TUT1: variants seen among roughly 807,000 people sequenced by gnomAD.
The protein encoded by TUT1 is speckle targeted PIP5K1A-regulated poly(A) polymerase.
Under a neutral mutation model 48.8 loss-of-function variants are expected in TUT1, and 26 were observed. The ratio of observed to expected loss-of-function variants is 0.53; its 90% confidence interval spans 0.39 to 0.74. The LOEUF (loss-of-function observed/expected upper bound fraction) is 0.74. Ranked by LOEUF, TUT1 falls within the 30% of genes least tolerant of loss-of-function variation. TUT1 has a pLI of 0.00. For missense variants in TUT1, 1,065 were observed against 1,114.8 expected, an observed-to-expected ratio of 0.96 and a Z score of 0.64; for synonymous variants, 470 against 460.8, an observed-to-expected ratio of 1.02 and a Z score of -0.26.
In TUT1 at chr11:62,575,226, G is replaced by A. The variant is rs1941699835; in HGVS notation, c.2493C>T (p.Ser831=). The part of the protein sequence containing the change: ...EERPETEPLL[S]FVASVSPADR... ...CAGCCGGGGAGACAGACGCCACAAA[G>A]CTCAGCAGGGGCTCAGTTTCTGGCC... is the stretch of plus-strand genomic sequence containing the variant. Residue 831 remains serine (S), a synonymous_variant, in exon 9 of 9, where the codon AGC becomes AGT. Transcript: ENST00000476907. The A allele has an allele frequency of 6.2e-7, 1 of 1,614,056 alleles. No individual in the cohort carries two copies. The highest frequency in any genetic ancestry group is 8.5e-7 in the Non-Finnish European group (1 of 1,179,894).
rs1357860368 is a variant in TUT1, at chr11:62,576,188, G to A, written c.1531C>T (p.Leu511=). ...CVSCWDLRGS[L]LSLREGQALP... is the part of the protein sequence containing the mutation. ...GCCTGACCCTCCCGCAGGGACAGCA[G>A]GGAGCCACGAAGATCCCAACAAGAT... The change falls in exon 9 of 9, where the codon CTG becomes TTG. Residue 511 remains leucine (L), a synonymous_variant. Transcript: ENST00000476907. 2.5e-6 allele frequency: 4 copies of A among 1,610,112 alleles called. No individual in the cohort carries two copies. The highest frequency in any genetic ancestry group is 3.4e-6 in the Non-Finnish European group (4 of 1,178,260).
Position 62,575,722 on chromosome 11 carries a change from T to C in TUT1, c.1997A>G (p.Gln666Arg). 1 of 1,614,154 alleles carries C rather than the reference T, an allele frequency of 6.2e-7. No homozygotes were observed. The highest frequency in any genetic ancestry group is 8.5e-7 in the Non-Finnish European group (1 of 1,179,984). ...GTSKRLKVDG[Q>R]KNCCEEGKEE... ...TTTCCCCTCCTCACAGCAGTTTTTC[T>C]GTCCATCTACTTTGAGTCTTTTGCT... is the stretch of plus-strand genomic sequence containing the variant. The change falls in exon 9 of 9, where the codon CAG becomes CGG. Residue 666 changes from glutamine to arginine, a missense_variant. Transcript: ENST00000476907.
At chr11:62,584,760 G>A (rs1941882654) in intron 2 of TUT1, among the ~76,000 whole-genome samples, 1 of 150,852 alleles carries the variant, frequency 6.6e-6, no homozygotes. Context: ...TATACTTTTT[G>A]TTTGTTTATT....
intron 1 of TUT1, among the ~76,000 whole-genome samples, chr11:62,590,478 A>T (rs962209467): frequency 1.3e-5 from 2 of 152,174 alleles, no homozygotes; most frequent in African/African-American, 2.4e-5. Flanking sequence ...CTACTAAAAA[A>T]TACAAAAAAT....
At chr11:62,585,213 T>C (rs1312211565) in intron 2 of TUT1, among the ~76,000 whole-genome samples, 1 of 152,178 alleles carries the variant, frequency 6.6e-6, no homozygotes, top group East Asian at 1.9e-4. Context: ...TTTGAATTCC[T>C]GGGCTCAAGC....
chr11:62,582,173 G>C (rs1941838092), intron 2 of TUT1, among the ~76,000 whole-genome samples: 1 of 152,002 alleles, frequency 6.6e-6, no homozygotes, highest in Non-Finnish European at 1.5e-5. Context: ...AGTAAAAATG[G>C]GGTTTCACCA....
chr11:62,587,242 C>T (rs182671035), intron 2 of TUT1, among the ~76,000 whole-genome samples: 113 of 152,194 alleles, frequency 7.4e-4, no homozygotes, highest in Non-Finnish European at 1.2e-3. Flanking sequence ...AATGCAATGG[C>T]GCGATGTCGG....
chr11:62,578,535 TGTC>T lies in TUT1; in HGVS notation c.1160+23_1160+25del, dbSNP rs751369548. 11 of 1,551,752 alleles carry T rather than the reference TGTC, an allele frequency of 7.1e-6. No individual in the cohort carries two copies. The South Asian group carries it at 7.4e-5, about 10-fold the overall frequency. On this transcript the variant is annotated intron_variant, in intron 5 of 8. Transcript: ENST00000476907. ...ACTCCAGCCTGGGCAACGAGTGAAA[TGTC>T]GTCTCAAAAAAAAGAAAGGTACCGG...
rs747876274 is a variant in TUT1, at chr11:62,591,420, G to T, written c.66C>A (p.His22Gln). 1 of 1,598,562 alleles carries T rather than the reference G, an allele frequency of 6.3e-7. No homozygotes were observed. Among genetic ancestry groups the T allele is most frequent in the East Asian group, 2.3e-5 (1 of 44,170 alleles). ...ACCGCTTACGGTTGGCTGTAGTAAC[G>T]TGGCAGAGGCAGCAGCGGAACCCCC... ...PRGGFRCCLC[H>Q]VTTANRPSLD... is the part of the protein sequence containing the mutation. Residue 22 changes from histidine (H) to glutamine (Q), a missense_variant, in exon 1 of 9, where the codon CAC (histidine) becomes CAA (glutamine). His to Gln is a conservative substitution (Grantham distance 24). Coordinates refer to ENST00000476907, the MANE Select transcript of TUT1 (RefSeq NM_022830.3).
At chr11:62,591,379 G>C in intron 1 of TUT1, 25 bp downstream of exon 1, 1 of 1,530,134 alleles carries the variant, frequency 6.5e-7, no homozygotes. Context: ...AACCACCCCC[G>C]GGTCCCTCAC....
rs774734865 is a variant in TUT1, at chr11:62,576,280, C to T, written c.1475-36G>A. The T allele has an allele frequency of 7.3e-6, 11 of 1,501,938 alleles. No individual in the cohort carries two copies. In the African/African-American group the frequency reaches 1.3e-4, roughly 17 times the overall value. 93.0% of individuals were successfully genotyped at this position (1,501,938 alleles called of 1,614,324 possible). A position where few individuals can be genotyped will look rare whatever the true frequency, so the allele number is the denominator to read the frequency against. On this transcript the variant is annotated intron_variant, in intron 8 of 8. Coordinates refer to ENST00000476907, the MANE Select transcript of TUT1 (RefSeq NM_022830.3). ...AGGAAGAGTGGGGAAAGGGGGGTCACTTAGAGGCCAGAACTGATACAGGTC... is the reference window on the plus strand; with the variant it reads ...AGGAAGAGTGGGGAAAGGGGGGTCATTTAGAGGCCAGAACTGATACAGGTC...
intron 4 of TUT1, among the ~76,000 whole-genome samples, chr11:62,580,748 G>T (rs1182129052): frequency 6.6e-6 from 1 of 151,076 alleles, no homozygotes; most frequent in Non-Finnish European, 1.5e-5. Context: ...GACTACAGGT[G>T]TACACCACAC....
In TUT1 at chr11:62,576,121, C is replaced by A. The variant is rs757130224; in HGVS notation, c.1598G>T (p.Gly533Val). ...AGGLPSNLWE[G>V]LRLGPLNLQD... ...GAGATTCAGGGGGCCAAGGCGCAGA[C>A]CCTCCCAGAGATTAGAAGGCAGGCC... Residue 533 changes from glycine (G) to valine (V), a missense_variant, in exon 9 of 9, where the codon GGT (glycine) becomes GTT (valine). Gly to Val is a moderately radical substitution (Grantham distance 109, BLOSUM62 -3). Coordinates refer to ENST00000476907, the MANE Select transcript of TUT1 (RefSeq NM_022830.3). 6 of 1,613,900 alleles carry A rather than the reference C, an allele frequency of 3.7e-6. No homozygotes were observed. Among genetic ancestry groups the A allele is most frequent in the African/African-American group, 1.3e-5 (1 of 74,942 alleles).
rs757350603 is a variant in TUT1 at position 62,589,061 on chromosome 11, A to G, written c.243T>C (p.Pro81=). 2.5e-6 allele frequency: 4 copies of G among 1,613,944 alleles called. No individual in the cohort carries two copies. The Admixed American group carries it at 6.7e-5, about 27-fold the overall frequency. ...CCTTGTCCATGACAACACTGGCCAC[A>G]GGTCCAAATGCTAGGAAGTACTCAG... ...QLSEYFLAFG[P]VASVVMDKDK... Residue 81 remains proline (P), a synonymous_variant, in exon 2 of 9, where the codon CCT becomes CCC. Coordinates refer to ENST00000476907, the MANE Select transcript of TUT1 (RefSeq NM_022830.3).
At chr11:62,582,720 A>T in intron 2 of TUT1, 1 of 354,232 alleles carries the variant, frequency 2.8e-6, no homozygotes, top group Non-Finnish European at 5.9e-6. Context: ...CTTCCCAATG[A>T]TGTGATTACA....
At chr11:62,584,505 G>A (rs1046512178) in intron 2 of TUT1, among the ~76,000 whole-genome samples, 22 of 147,324 alleles carry the variant, frequency 1.5e-4, no homozygotes, top group Non-Finnish European at 2.5e-4. Context: ...GCAGTGGCAC[G>A]ATCTTGGCTC....
intron 4 of TUT1, 96 bp downstream of exon 4, chr11:62,581,010 G>A: frequency 1.1e-6 from 1 of 873,918 alleles, no homozygotes; most frequent in South Asian, 1.5e-5. Context: ...CATTGTAGAT[G>A]AGGAACTAAG....
At chr11:62,584,440 CTTT>C (rs35237248) in intron 2 of TUT1, among the ~76,000 whole-genome samples, 7 of 130,084 alleles carry the variant, frequency 5.4e-5, no homozygotes, top group Non-Finnish European at 6.6e-5. Context: ...AAATTGTATA[CTTT>C]TTTTTTTTTT....
rs36004630 is a variant in TUT1, at chr11:62,575,618, G to A, written c.2101C>T (p.Gln701Ter). ...CCAGGGCTCTGCATGGCCCAGTCCT[G>A]CACCATCTCTCCAACCTCTATAACC... Reference protein sequence around the residue: ...EMVIEVGEMVQDWAMQSPGQP... With the variant: ...EMVIEVGEMV Residue 701 changes from glutamine to a stop codon, truncating the protein, a stop_gained, in exon 9 of 9, where the codon CAG becomes TAG. Coordinates refer to ENST00000476907, the MANE Select transcript of TUT1 (RefSeq NM_022830.3). LOFTEE classifies it low-confidence loss of function (END_TRUNC). The A allele has an allele frequency of 6.2e-7, 1 of 1,614,188 alleles. No individual in the cohort carries two copies. Among genetic ancestry groups the A allele is most frequent in the Non-Finnish European group, 8.5e-7 (1 of 1,180,032 alleles).
Sources: gnomAD v4.1 joint callset for allele counts (sites outside exome capture counted in the v4.1 genomes callset) on GRCh38, gnomAD v4.1.1 for gene constraint, MANE v1.5 for transcripts, NCBI Gene and HGNC (gene_info 2026-07-23, HGNC 2026-07-21) for gene names.